Variants in SYN3 observed in about 807,000 individuals in gnomAD.
SYN3 encodes synapsin-3.
SYN3 carries 35 observed loss-of-function variants against 65.8 expected under a neutral mutation model. The observed-to-expected ratio is 0.53, with a 90% CI of 0.41 to 0.70. The LOEUF (loss-of-function observed/expected upper bound fraction) is 0.70. Among genes scored for constraint, SYN3 ranks in the 30% least tolerant of loss-of-function variants. The pLI is 0.00. For synonymous variants in SYN3, 270 were observed against 292.9 expected (o/e 0.92, Z 0.80); for missense variants, 680 against 749.0 (o/e 0.91, Z 1.08).
At chr22:32,692,425 T>C (rs2060677534) in intron 6 of SYN3, among the ~76,000 whole-genome samples, 1 of 152,186 alleles carries the variant, frequency 6.6e-6, no homozygotes, top group Non-Finnish European at 1.5e-5. Context: ...GAAATGACCT[T>C]TGCTTTATTC....
At chr22:32,844,560 C>T (rs141090463) in intron 6 of SYN3, among the ~76,000 whole-genome samples, 4 of 152,114 alleles carry the variant, frequency 2.6e-5, no homozygotes, top group Admixed American at 1.3e-4. Context: ...GCTTCTCAGG[C>T]GCATGATATA....
chr22:32,963,494 G>A (rs2051726338), intron 3 of SYN3, among the ~76,000 whole-genome samples: 1 of 152,098 alleles, frequency 6.6e-6, no homozygotes, highest in African/African-American at 2.4e-5. Context: ...GAGAGATGGA[G>A]AAAGCATAAG....
At chr22:32,870,597 C>CG (rs1382758042) in intron 4 of SYN3, among the ~76,000 whole-genome samples, 1 of 151,922 alleles carries the variant, frequency 6.6e-6, no homozygotes, top group Non-Finnish European at 1.5e-5. Context: ...GTAAGATACC[C>CG]AAAAAAAGTT....
At chr22:32,741,837 C>T (rs1257015090) in intron 6 of SYN3, among the ~76,000 whole-genome samples, 3 of 152,134 alleles carry the variant, frequency 2.0e-5, no homozygotes, top group Non-Finnish European at 4.4e-5. Flanking sequence ...TATTATTAAT[C>T]AGATTACAGT....
chr22:32,881,733 T>C (rs1273034859), intron 4 of SYN3, among the ~76,000 whole-genome samples: 3 of 152,120 alleles, frequency 2.0e-5, no homozygotes, highest in African/African-American at 7.2e-5. Context: ...TGTTTGATAG[T>C]TGTTTTTTTT....
intron 7 of SYN3, among the ~76,000 whole-genome samples, chr22:32,592,906 A>G (rs2059147767): frequency 6.6e-6 from 1 of 152,224 alleles, no homozygotes; most frequent in Admixed American, 6.5e-5. Context: ...AAAAGAACAA[A>G]GGAGTGAAGT....
chr22:32,913,424 C>T (rs1346559600), intron 4 of SYN3, among the ~76,000 whole-genome samples: 2 of 151,780 alleles, frequency 1.3e-5, no homozygotes, highest in Non-Finnish European at 2.9e-5. Context: ...TCCCAAAGTG[C>T]TGGGATTACA....
Position 32,865,127 on chromosome 22 carries a change from A to C in SYN3, c.622-123T>G, listed in dbSNP as rs995372672. On this transcript the variant is annotated intron_variant, in intron 5 of 13. Coordinates refer to ENST00000358763, the MANE Select transcript of SYN3 (RefSeq NM_003490.4). ...GCCGAGCTTCAGTAGGTGCTATCCT[A>C]CCCTGCCTATAGGATAAAGACCAGA... 370 of 720,974 alleles carry C rather than the reference A, an allele frequency of 5.1e-4. 1 individual carries two copies. The highest frequency in any genetic ancestry group is 6.3e-4 in the East Asian group (24 of 37,906). The allele number at this position is 720,974 out of a possible 1,614,324, so 44.7% of individuals were successfully genotyped here.
chr22:32,571,478 G>A (rs1467947276), intron 7 of SYN3, among the ~76,000 whole-genome samples: 1 of 152,128 alleles, frequency 6.6e-6, no homozygotes, highest in Non-Finnish European at 1.5e-5. Flanking sequence ...TATCATTTTG[G>A]CCAGGGCTTC....
At chr22:32,889,550 T>C (rs994849436) in intron 4 of SYN3, among the ~76,000 whole-genome samples, 9 of 152,224 alleles carry the variant, frequency 5.9e-5, no homozygotes, top group Non-Finnish European at 1.3e-4. Context: ...AGTCCCAGGA[T>C]GTAAAGATAA....
chr22:32,664,654 G>C (rs745334028), intron 6 of SYN3, among the ~76,000 whole-genome samples: 1 of 140,886 alleles, frequency 7.1e-6, no homozygotes, highest in Non-Finnish European at 1.5e-5. Flanking sequence ...GCAGTGGTGC[G>C]ATCTCGGCTC....
At chr22:32,760,441 A>G (rs2045447067) in intron 6 of SYN3, among the ~76,000 whole-genome samples, 1 of 152,096 alleles carries the variant, frequency 6.6e-6, no homozygotes, top group Admixed American at 6.6e-5. Context: ...CATCCCACAC[A>G]TGAGGAAACG....
chr22:32,990,525 T>C (rs2052683692), intron 2 of SYN3, among the ~76,000 whole-genome samples: 1 of 152,056 alleles, frequency 6.6e-6, no homozygotes, highest in African/African-American at 2.4e-5. Flanking sequence ...TCCATCCATC[T>C]AGGACATACT....
intron 6 of SYN3, among the ~76,000 whole-genome samples, chr22:32,807,357 T>TATATAAATATATATTA (rs1313960768): frequency 9.2e-5 from 1 of 10,868 alleles, no homozygotes; most frequent in Non-Finnish European, 1.6e-4. Context: ...AAATATATAA[T>TATATAAATATATATTA]ATATAATATA....
At chr22:32,870,324 C>T (rs765459407) in intron 4 of SYN3, among the ~76,000 whole-genome samples, 156 of 126,164 alleles carry the variant, frequency 1.2e-3, no homozygotes, top group Non-Finnish European at 1.9e-3. Context: ...TCCATACTTT[C>T]TTTTGATTTT....
At chr22:32,970,560 G>GA (rs920640512) in intron 3 of SYN3, among the ~76,000 whole-genome samples, 10 of 138,994 alleles carry the variant, frequency 7.2e-5, no homozygotes, top group Admixed American at 2.9e-4. Flanking sequence ...AAAAAAAAAA[G>GA]AAAAAAAAAG....
At chr22:32,752,264 A>G (rs1004774303) in intron 6 of SYN3, among the ~76,000 whole-genome samples, 3 of 152,088 alleles carry the variant, frequency 2.0e-5, no homozygotes, top group Non-Finnish European at 2.9e-5. Flanking sequence ...CCCTCTAAAT[A>G]TAGGTCGATA....
At chr22:32,991,793 C>A (rs111421167) in intron 2 of SYN3, among the ~76,000 whole-genome samples, 2 of 152,194 alleles carry the variant, frequency 1.3e-5, no homozygotes, top group African/African-American at 4.8e-5. Context: ...CCTGTCCCTT[C>A]TGCAAACCCA....
intron 6 of SYN3, among the ~76,000 whole-genome samples, chr22:32,704,153 T>C (rs898188552): frequency 1.3e-5 from 2 of 152,144 alleles, no homozygotes; most frequent in African/African-American, 4.8e-5. Flanking sequence ...GTACAGATTA[T>C]TTTGTCACCC....
Sources: gnomAD v4.1 joint callset for allele counts (sites outside exome capture counted in the v4.1 genomes callset) on GRCh38, gnomAD v4.1.1 for gene constraint, MANE v1.5 for transcripts, NCBI Gene and HGNC (gene_info 2026-07-23, HGNC 2026-07-21) for gene names.